The following FEZ1 variants were observed in gnomAD, a reference collection of about 807,000 sequenced individuals.
The protein encoded by FEZ1 is fasciculation and elongation protein zeta 1.
Under a neutral mutation model 49.3 loss-of-function variants are expected in FEZ1, and 20 were observed. The ratio of observed to expected loss-of-function variants is 0.41; its 90% CI spans 0.29 to 0.59. FEZ1 has a LOEUF of 0.59. Among genes scored for constraint, FEZ1 ranks in the 20% least tolerant of loss-of-function variants. The pLI is 0.36. For missense variants in FEZ1, 413 were observed against 476.0 expected, an observed-to-expected ratio of 0.87 and a Z score of 1.23; for synonymous variants, 170 against 180.9, an observed-to-expected ratio of 0.94 and a Z score of 0.48.
In FEZ1 at chr11:125,443,463, G is replaced by A. The variant is rs768954931; in HGVS notation, c.*2632C>T. 1.1e-4 allele frequency among the ~76,000 whole-genome samples: 17 copies of A among 152,180 alleles called. No individual in the cohort carries two copies. The highest frequency in any genetic ancestry group is 2.1e-4 in the Non-Finnish European group (14 of 68,040). On this transcript the variant is annotated 3_prime_UTR_variant, in exon 10 of 10. Transcript: ENST00000278919. Reference sequence around the variant, plus strand: ...TCCTTGATGCAAATACAAGTTGCAGGGAGATTTAGCTTAATACGTAGTAGA... The same window carrying A: ...TCCTTGATGCAAATACAAGTTGCAGAGAGATTTAGCTTAATACGTAGTAGA...
At chr11:125,457,420 AAAAAAAAAAATAT>A (rs1256298247) in intron 5 of FEZ1, among the ~76,000 whole-genome samples, 19 of 52,530 alleles carry the variant, frequency 3.6e-4, no homozygotes, top group Admixed American at 9.1e-4. Flanking sequence ...AAAAAAAAAA[AAAAAAAAAAATAT>A]ATATATATAT....
chr11:125,481,365 G>T (rs1957277745), intron 3 of FEZ1, among the ~76,000 whole-genome samples, 169 bp downstream of exon 3: 1 of 152,120 alleles, frequency 6.6e-6, no homozygotes, highest in African/African-American at 2.4e-5. Context: ...GCCCAGGCTG[G>T]TCTTAAATTA....
chr11:125,476,384 A>G lies in FEZ1; in HGVS notation c.411+5150T>C, dbSNP rs560644789. On this transcript the variant is annotated intron_variant, in intron 3 of 9. Coordinates refer to ENST00000278919, the MANE Select transcript of FEZ1 (RefSeq NM_005103.5). ...ATGGTTGAGTTGACATTTGCAAATT[A>G]ATTTATGAAATTCATCACATTAACA... Among the ~76,000 whole-genome samples, 4 of 152,350 alleles carry G rather than the reference A, an allele frequency of 2.6e-5. No homozygotes were observed. In the South Asian group the frequency reaches 8.3e-4, roughly 32 times the overall value.
At chr11:125,458,059 C>G (rs1226016147) in intron 5 of FEZ1, among the ~76,000 whole-genome samples, 7 of 152,134 alleles carry the variant, frequency 4.6e-5, no homozygotes, top group Non-Finnish European at 8.8e-5. Context: ...CAAGGGCAGT[C>G]GGGAATGCAG....
In FEZ1 at chr11:125,446,406, G is replaced by A. The variant is rs188001129; in HGVS notation, c.1163-295C>T. On this transcript the variant is annotated intron_variant, in intron 9 of 9. Coordinates refer to ENST00000278919, the MANE Select transcript of FEZ1 (RefSeq NM_005103.5). Reference sequence around the variant, plus strand: ...TGTTTCTTCATCAATACAATAGAACGTACCTGCGCCTACCCCGCAGGGTTG... The same window carrying A: ...TGTTTCTTCATCAATACAATAGAACATACCTGCGCCTACCCCGCAGGGTTG... Among the ~76,000 whole-genome samples, 11 of 152,242 alleles carry A rather than the reference G, an allele frequency of 7.2e-5. No individual in the cohort carries two copies. The East Asian group carries it at 2.1e-3, about 29-fold the overall frequency.
chr11:125,471,161 A>G (rs1383419486), intron 3 of FEZ1, among the ~76,000 whole-genome samples: 1 of 152,166 alleles, frequency 6.6e-6, no homozygotes, highest in African/African-American at 2.4e-5. Flanking sequence ...ACCCAAAAGA[A>G]GACAAAAAGT....
intron 3 of FEZ1, among the ~76,000 whole-genome samples, chr11:125,474,750 T>C (rs2135768595): frequency 6.6e-6 from 1 of 152,062 alleles, no homozygotes; most frequent in East Asian, 2.0e-4. Flanking sequence ...TAGCCAGTCA[T>C]GGTGGTGTGC....
chr11:125,462,732 C>G (rs1957088161), intron 4 of FEZ1, among the ~76,000 whole-genome samples: 1 of 152,204 alleles, frequency 6.6e-6, no homozygotes, highest in Non-Finnish European at 1.5e-5. Context: ...GTCACCGTGG[C>G]TCATGCCTGT....
intron 2 of FEZ1, among the ~76,000 whole-genome samples, chr11:125,482,836 G>A (rs1348813344): frequency 6.6e-6 from 1 of 151,582 alleles, no homozygotes; most frequent in Non-Finnish European, 1.5e-5. Flanking sequence ...TGGTAGCATG[G>A]GCCTATAGTC....
intron 6 of FEZ1, chr11:125,454,425 C>T: frequency 2.4e-6 from 1 of 411,094 alleles, no homozygotes. Context: ...CTTAGTAAGT[C>T]CCTCAGGGCT....
At position 125,456,518 on chromosome 11, in the gene FEZ1, C is replaced by T. The variant is rs145481341; in HGVS notation, c.668-412G>A. Among the ~76,000 whole-genome samples the T allele has an allele frequency of 1.1e-4, 16 of 152,296 alleles. No homozygotes were observed. In the East Asian group the frequency reaches 1.5e-3, roughly 15 times the overall value. On this transcript the variant is annotated intron_variant, in intron 5 of 9. Transcript: ENST00000278919. ...CTGAAGAGCAATAGAGACGTTGGTG[C>T]TTATTCCCAAGAACTGATCAAGATA...
chr11:125,493,694 AATTT>A (rs1430548993), intron 1 of FEZ1, among the ~76,000 whole-genome samples: 1 of 152,046 alleles, frequency 6.6e-6, no homozygotes, highest in Admixed American at 6.5e-5. Flanking sequence ...TTCTTTTTTC[AATTT>A]ATTTGTTCAA....
chr11:125,459,703 C>G (rs1957054564), intron 5 of FEZ1, among the ~76,000 whole-genome samples: 1 of 152,202 alleles, frequency 6.6e-6, no homozygotes, highest in Non-Finnish European at 1.5e-5. Flanking sequence ...TCATATTTCC[C>G]TAACAGTGGC....
chr11:125,458,865 G>A lies in FEZ1; in HGVS notation c.667+1633C>T, dbSNP rs531057050. Among the ~76,000 whole-genome samples the A allele has an allele frequency of 2.6e-5, 4 of 151,554 alleles. No individual in the cohort carries two copies. The South Asian group carries it at 6.3e-4, about 24-fold the overall frequency. The stretch of plus-strand genomic sequence containing the variant: ...AGTCGGATCACGAGGTCAAGAGTTC[G>A]AGACCACCTTGGCCAACATGTGAAA... On this transcript the variant is annotated intron_variant, in intron 5 of 9. Transcript: ENST00000278919.
chr11:125,450,029 GTT>G (rs1383731186), intron 8 of FEZ1, among the ~76,000 whole-genome samples: 4 of 143,594 alleles, frequency 2.8e-5, no homozygotes, highest in Non-Finnish European at 3.1e-5. Flanking sequence ...TTTCTTCTGG[GTT>G]TTTTTTTTTT....
intron 8 of FEZ1, among the ~76,000 whole-genome samples, chr11:125,451,092 A>G (rs1196201365): frequency 6.6e-6 from 1 of 152,214 alleles, no homozygotes; most frequent in Non-Finnish European, 1.5e-5. Flanking sequence ...TTGAGCTATG[A>G]TAGAATACTT....
At chr11:125,456,441 G>A (rs961290525) in intron 5 of FEZ1, among the ~76,000 whole-genome samples, 8 of 152,184 alleles carry the variant, frequency 5.3e-5, no homozygotes, top group African/African-American at 1.9e-4. Flanking sequence ...TGTGAAATGG[G>A]TCAAGAATTG....
rs1415356389 is a variant in FEZ1 at position 125,442,902 on chromosome 11, A to G, written c.*3193T>C. On this transcript the variant is annotated 3_prime_UTR_variant, in exon 10 of 10. Coordinates refer to ENST00000278919, the MANE Select transcript of FEZ1 (RefSeq NM_005103.5). ...AGGCGTGCACCACTACAGCTGGCTA[A>G]TTTTTGTATTTTCAGTAGAGAGGGG... Among the ~76,000 whole-genome samples the G allele has an allele frequency of 6.6e-6, 1 of 151,592 alleles. No individual in the cohort carries two copies. The highest frequency in any genetic ancestry group is 1.5e-5 in the Non-Finnish European group (1 of 67,884).
At position 125,489,817 on chromosome 11, in the gene FEZ1, GT is replaced by G; in HGVS notation, c.-41del. ...AGAACAACAGCGACTTTCAGGATGA[GT>G]TTATCTAAAAGAAATGAACAGCGTA... On this transcript the variant is annotated 5_prime_UTR_variant, in exon 2 of 10. Coordinates refer to ENST00000278919, the MANE Select transcript of FEZ1 (RefSeq NM_005103.5). The surrounding 1 kb of genome is among the most constrained non-coding windows in gnomAD (Gnocchi z 4.2). 6.6e-7 allele frequency: 1 copy of G among 1,514,168 alleles called. No individual in the cohort carries two copies. Among genetic ancestry groups the G allele is most frequent in the African/African-American group, 1.4e-5 (1 of 71,678 alleles). 93.8% of individuals were successfully genotyped at this position (1,514,168 alleles called of 1,614,324 possible).
Sources: gnomAD v4.1 joint callset for allele counts (sites outside exome capture counted in the v4.1 genomes callset) on GRCh38, gnomAD v4.1.1 for gene constraint, Gnocchi (gnomAD v3.1) non-coding constraint, MANE v1.5 for transcripts, NCBI Gene and HGNC (gene_info 2026-07-23, HGNC 2026-07-21) for gene names.